Variants in GSG1L observed in about 807,000 individuals in gnomAD.
The protein encoded by GSG1L is germ cell-specific gene 1-like protein.
GSG1L carries 24 observed loss-of-function variants against 42.1 expected under a neutral mutation model. That is an observed-to-expected ratio of 0.57 (90% CI 0.41 to 0.80). The LOEUF is 0.80. GSG1L is among the 30% of genes least tolerant of loss of function. GSG1L has a pLI of 0.00. For synonymous variants in GSG1L, 215 were observed against 203.5 expected, an observed-to-expected ratio of 1.06 and a Z score of -0.48; for missense variants, 445 against 472.2, an observed-to-expected ratio of 0.94 and a Z score of 0.53.
intron 1 of GSG1L, among the ~76,000 whole-genome samples, chr16:28,013,240 AG>A (rs944773613): frequency 6.6e-5 from 10 of 151,956 alleles, no homozygotes; most frequent in African/African-American, 1.5e-4. Flanking sequence ...AAAACTTACA[AG>A]GGAGAAATAT....
chr16:28,050,103 G>T (rs78282560), intron 1 of GSG1L, among the ~76,000 whole-genome samples: 3,621 of 152,202 alleles, frequency 0.024, 153 homozygotes, highest in African/African-American at 0.083. Flanking sequence ...ATGAATGAAT[G>T]AATGAATGAA....
chr16:27,843,504 T>TAAAA lies in GSG1L; in HGVS notation c.662+1442_662+1445dup, dbSNP rs55755431. On this transcript the variant is annotated intron_variant, in intron 4 of 6. Transcript: ENST00000447459. ...CCTGGGTGACAGAGCAGAGACTCTGTAAAAAAAAAAAAAAAAAAAAAAAAA... is the reference window on the plus strand; with the variant it reads ...CCTGGGTGACAGAGCAGAGACTCTGTAAAAAAAAAAAAAAAAAAAAAAAAAAAAA... 1.6e-4 allele frequency among the ~76,000 whole-genome samples: 12 copies of TAAAA among 75,916 alleles called. No individual in the cohort carries two copies. The East Asian group carries it at 1.9e-3, about 12-fold the overall frequency. 49.8% of individuals were successfully genotyped at this position (75,916 alleles called of 152,430 possible). A position where few individuals can be genotyped will look rare whatever the true frequency, so the allele number is the denominator to read the frequency against.
At chr16:27,796,769 C>T (rs977499764) in intron 6 of GSG1L, among the ~76,000 whole-genome samples, 3 of 152,206 alleles carry the variant, frequency 2.0e-5, no homozygotes, top group African/African-American at 7.2e-5. Flanking sequence ...TTCTCTTTGT[C>T]TCTTTCTTGC....
At chr16:27,938,914 A>G (rs541404455) in intron 2 of GSG1L, among the ~76,000 whole-genome samples, 54 of 152,270 alleles carry the variant, frequency 3.5e-4, no homozygotes, top group African/African-American at 1.3e-3. Flanking sequence ...AGCCTTCTGA[A>G]TGTGTTCCAG....
intron 3 of GSG1L, among the ~76,000 whole-genome samples, chr16:27,879,361 T>G (rs1388381353): frequency 1.3e-5 from 2 of 152,116 alleles, no homozygotes; most frequent in Non-Finnish European, 2.9e-5. Flanking sequence ...TCTCAGCACT[T>G]TGGGAGGCCG....
At chr16:27,825,013 T>A (rs2083193698) in intron 5 of GSG1L, among the ~76,000 whole-genome samples, 1 of 152,222 alleles carries the variant, frequency 6.6e-6, no homozygotes, top group African/African-American at 2.4e-5. Context: ...GCATGCCAGG[T>A]TAGCCGGATC....
intron 1 of GSG1L, among the ~76,000 whole-genome samples, chr16:28,017,270 G>C (rs1038659424): frequency 6.6e-6 from 1 of 152,204 alleles, no homozygotes; most frequent in Admixed American, 6.5e-5. Context: ...TCAAAGGTCA[G>C]AGGTCAACTT....
intron 3 of GSG1L, among the ~76,000 whole-genome samples, chr16:27,852,951 TC>T (rs2083532461): frequency 6.6e-6 from 1 of 152,016 alleles, no homozygotes; most frequent in South Asian, 2.1e-4. Context: ...ACCGCTTACT[TC>T]CCAGCAAACC....
intron 2 of GSG1L, among the ~76,000 whole-genome samples, chr16:27,944,830 T>C (rs1436947885): frequency 6.6e-6 from 1 of 152,006 alleles, no homozygotes; most frequent in East Asian, 1.9e-4. Context: ...ATCCTAGCAC[T>C]CTAGGAGTCC....
intron 2 of GSG1L, among the ~76,000 whole-genome samples, chr16:27,903,523 C>T (rs762671145): frequency 5.9e-5 from 9 of 152,162 alleles, no homozygotes; most frequent in Admixed American, 4.6e-4. Context: ...CCCACAAGGA[C>T]GAGTACTAAA....
At chr16:27,946,910 C>T (rs1402785474) in intron 2 of GSG1L, among the ~76,000 whole-genome samples, 2 of 152,160 alleles carry the variant, frequency 1.3e-5, no homozygotes, top group African/African-American at 2.4e-5. Flanking sequence ...GCTAACTCCT[C>T]ACATGGATCA....
chr16:27,829,522 G>A (rs1313382411), intron 4 of GSG1L, among the ~76,000 whole-genome samples: 1 of 152,186 alleles, frequency 6.6e-6, no homozygotes, highest in Non-Finnish European at 1.5e-5. Flanking sequence ...TGGGAAAGAT[G>A]CCAACCCTTT....
intron 5 of GSG1L, among the ~76,000 whole-genome samples, chr16:27,810,919 CT>C (rs1428060882): frequency 2.6e-5 from 4 of 152,148 alleles, no homozygotes; most frequent in African/African-American, 9.7e-5. Context: ...AACTCCTGAC[CT>C]CAGGTGATCC....
chr16:27,806,549 T>C (rs2082964938), intron 6 of GSG1L, among the ~76,000 whole-genome samples: 1 of 152,180 alleles, frequency 6.6e-6, no homozygotes, highest in Non-Finnish European at 1.5e-5. Flanking sequence ...GATCATTGAC[T>C]CTTTATGCCT....
intron 2 of GSG1L, among the ~76,000 whole-genome samples, chr16:27,960,144 G>A (rs1484826819): frequency 1.3e-5 from 2 of 152,132 alleles, no homozygotes; most frequent in Non-Finnish European, 2.9e-5. Context: ...AGGAGCTGGA[G>A]GCAGGAAGGA....
At chr16:27,849,714 T>A (rs1337672792) in intron 3 of GSG1L, among the ~76,000 whole-genome samples, 1 of 152,020 alleles carries the variant, frequency 6.6e-6, no homozygotes, top group African/African-American at 2.4e-5. Context: ...TATTTATTTA[T>A]TTTAGAGATG....
rs539167954 is a variant in GSG1L at position 28,008,555 on chromosome 16, C to T, written c.350-45352G>A. 5.4e-4 allele frequency among the ~76,000 whole-genome samples: 83 copies of T among 152,322 alleles called. 2 individuals carry two copies. The South Asian group carries it at 0.017, about 32-fold the overall frequency. On this transcript the variant is annotated intron_variant, in intron 1 of 6. Transcript: ENST00000447459. ...CAGCAGCCTCCTCATGGCCTCCCTG[C>T]CTCCCCTCTCACTCCCTTCCATCTG... is the stretch of plus-strand genomic sequence containing the variant.
chr16:27,922,780 C>T (rs964858901), intron 2 of GSG1L, among the ~76,000 whole-genome samples: 1 of 152,174 alleles, frequency 6.6e-6, no homozygotes, highest in Non-Finnish European at 1.5e-5. Context: ...TAACTCCACA[C>T]CTGCTCTAAC....
intron 3 of GSG1L, among the ~76,000 whole-genome samples, chr16:27,856,601 C>A (rs1395314590): frequency 6.6e-6 from 1 of 152,216 alleles, no homozygotes; most frequent in Non-Finnish European, 1.5e-5. Context: ...CACAAGCCAT[C>A]GCTCCCGGCT....
Sources: gnomAD v4.1 joint callset for allele counts (sites outside exome capture counted in the v4.1 genomes callset) on GRCh38, gnomAD v4.1.1 for gene constraint, MANE v1.5 for transcripts, NCBI Gene and HGNC (gene_info 2026-07-23, HGNC 2026-07-21) for gene names.